Variants in HDLBP observed in about 807,000 individuals in gnomAD.
HDLBP encodes high density lipoprotein binding protein.
HDLBP carries 30 observed loss-of-function variants against 137.3 expected under a neutral mutation model. The ratio of observed to expected loss-of-function variants is 0.22; its 90% CI spans 0.16 to 0.30. The LOEUF (loss-of-function observed/expected upper bound fraction) is 0.30. Ranked by LOEUF, HDLBP falls within the 10% of genes least tolerant of loss-of-function variation. The probability of loss-of-function intolerance (pLI) is 1.00; values close to 1 mark genes in which losing one functional copy is unlikely to be tolerated. For synonymous variants in HDLBP, 606 were observed against 596.0 expected (o/e 1.02, Z -0.24); for missense variants, 1,119 against 1,667.3 (o/e 0.67, Z 5.73).
At chr2:241,288,780 C>G (rs998985139) in intron 1 of HDLBP, among the ~76,000 whole-genome samples, 1 of 152,168 alleles carries the variant, frequency 6.6e-6, no homozygotes, top group Non-Finnish European at 1.5e-5. Flanking sequence ...CAGGCCCCCA[C>G]CCCAACTGTA....
intron 5 of HDLBP, among the ~76,000 whole-genome samples, chr2:241,258,647 C>G (rs1467817590): frequency 6.6e-6 from 1 of 152,150 alleles, no homozygotes; most frequent in Non-Finnish European, 1.5e-5. Flanking sequence ...TGTAAGAACA[C>G]ATTTACAAGC....
chr2:241,229,427 C>T lies in HDLBP; in HGVS notation c.*174G>A. Reference sequence around the variant, plus strand: ...CAGGTCCTGAGCGGGCACGGCCAGGCCTGGAGGAGCGGCCGCACACACAGC... The same window carrying T: ...CAGGTCCTGAGCGGGCACGGCCAGGTCTGGAGGAGCGGCCGCACACACAGC... On this transcript the variant is annotated 3_prime_UTR_variant, in exon 28 of 28. Transcript: ENST00000310931. 1 of 570,932 alleles carries T rather than the reference C, an allele frequency of 1.8e-6. No homozygotes were observed. The allele number at this position is 570,932 out of a possible 1,614,324, so 35.4% of individuals were successfully genotyped here. A position where few individuals can be genotyped will look rare whatever the true frequency, so the allele number is the denominator to read the frequency against.
chr2:241,246,971 A>T (rs2071729821), intron 15 of HDLBP, 85 bp downstream of exon 15: 3 of 1,567,454 alleles, frequency 1.9e-6, no homozygotes, highest in Non-Finnish European at 2.6e-6. Context: ...AGTAAGGAAG[A>T]GTCCCTCCTA....
At chr2:241,281,476 G>A (rs1457872239) in intron 1 of HDLBP, among the ~76,000 whole-genome samples, 2 of 152,180 alleles carry the variant, frequency 1.3e-5, no homozygotes, top group African/African-American at 4.8e-5. Context: ...AGTTGAGATC[G>A]TGACACTGCA....
chr2:241,234,057 T>C (rs2070108691), intron 23 of HDLBP, 94 bp from the exon 24 acceptor site: 2 of 1,389,982 alleles, frequency 1.4e-6, no homozygotes, highest in African/African-American at 1.4e-5. Context: ...ACACTGGAGA[T>C]GCTGCAGTGT....
In HDLBP at chr2:241,298,694, C is replaced by T. The variant is rs531094103; in HGVS notation, c.-103+16876G>A. On this transcript the variant is annotated intron_variant, in intron 1 of 27. Coordinates refer to ENST00000310931, the MANE Select transcript of HDLBP (RefSeq NM_005336.6). Reference sequence around the variant, plus strand: ...TGAATCAAGCAAGTAAAGTGCACATCACCACTAAGGGGACTAACTGAATTC... The same window carrying T: ...TGAATCAAGCAAGTAAAGTGCACATTACCACTAAGGGGACTAACTGAATTC... Among the ~76,000 whole-genome samples, 23 of 152,304 alleles carry T rather than the reference C, an allele frequency of 1.5e-4. No individual in the cohort carries two copies. The South Asian group carries it at 3.7e-3, about 25-fold the overall frequency.
At chr2:241,296,311 T>C (rs886802613) in intron 1 of HDLBP, among the ~76,000 whole-genome samples, 5 of 152,134 alleles carry the variant, frequency 3.3e-5, no homozygotes, top group African/African-American at 4.8e-5. Flanking sequence ...TGAAAACATA[T>C]AAAGTTTGAT....
At chr2:241,262,217 A>C (rs1338741041) in intron 5 of HDLBP, among the ~76,000 whole-genome samples, 1 of 152,238 alleles carries the variant, frequency 6.6e-6, no homozygotes, top group Non-Finnish European at 1.5e-5. Flanking sequence ...CTAGCAAAGC[A>C]ATGGGAACCA....
intron 1 of HDLBP, among the ~76,000 whole-genome samples, chr2:241,305,798 C>T (rs1311230122): frequency 2.7e-5 from 4 of 146,142 alleles, no homozygotes; most frequent in East Asian, 2.0e-4. Flanking sequence ...CTCGCTCTGT[C>T]GCCCAGGCTG....
intron 1 of HDLBP, among the ~76,000 whole-genome samples, chr2:241,306,406 T>TTAC (rs1315366554): frequency 6.6e-6 from 1 of 151,904 alleles, no homozygotes; most frequent in Non-Finnish European, 1.5e-5. Context: ...ATTACAGGCA[T>TTAC]GAGCCACCAC....
chr2:241,264,738 C>G, intron 3 of HDLBP, 133 bp from the exon 4 acceptor site: 4 of 829,018 alleles, frequency 4.8e-6, no homozygotes, highest in Non-Finnish European at 7.5e-6. Context: ...CCCCCCACCC[C>G]TCTCTTCTAA....
intron 1 of HDLBP, among the ~76,000 whole-genome samples, chr2:241,313,902 C>T (rs1313018705): frequency 6.6e-6 from 1 of 152,134 alleles, no homozygotes; most frequent in Non-Finnish European, 1.5e-5. Context: ...GCACTTTTAC[C>T]CGAATGACGT....
intron 3 of HDLBP, chr2:241,266,476 C>A (rs1036007121): frequency 6.2e-6 from 2 of 323,490 alleles, no homozygotes; most frequent in Non-Finnish European, 1.2e-5. Context: ...TGCTTCAGAG[C>A]CCAGATTTTA....
chr2:241,271,037 G>C, intron 1 of HDLBP: 1 of 985,318 alleles, frequency 1.0e-6, no homozygotes, highest in Non-Finnish European at 1.2e-6. Context: ...GGCTGTAAAC[G>C]CTCCACCTCA....
intron 1 of HDLBP, among the ~76,000 whole-genome samples, chr2:241,274,171 G>A (rs2074304261): frequency 6.6e-6 from 1 of 152,156 alleles, no homozygotes; most frequent in Non-Finnish European, 1.5e-5. Context: ...CTGGGCAGGT[G>A]GGGAAGTGGA....
At position 241,228,377 on chromosome 2, in the gene HDLBP, C is replaced by T. The variant is rs2069334407; in HGVS notation, c.*1224G>A. 6.6e-6 allele frequency: 1 copy of T among 152,416 alleles called. No homozygotes were observed. The highest frequency in any genetic ancestry group is 2.4e-5 in the African/African-American group (1 of 41,482). The allele number at this position is 152,416 out of a possible 1,614,324, so 9.4% of individuals were successfully genotyped here. A position where few individuals can be genotyped will look rare whatever the true frequency, so the allele number is the denominator to read the frequency against. ...CGGCGTGGTCTGCATTCTGCTCTACCTCATGCTCTAGGCCCCATGCCATCG... is the reference window on the plus strand; with the variant it reads ...CGGCGTGGTCTGCATTCTGCTCTACTTCATGCTCTAGGCCCCATGCCATCG... On this transcript the variant is annotated 3_prime_UTR_variant, in exon 28 of 28. Coordinates refer to ENST00000310931, the MANE Select transcript of HDLBP (RefSeq NM_005336.6).
intron 1 of HDLBP, among the ~76,000 whole-genome samples, chr2:241,311,748 C>T (rs1033253119): frequency 1.3e-5 from 2 of 152,148 alleles, no homozygotes; most frequent in Admixed American, 6.5e-5. Context: ...TGAAAACAAT[C>T]CTATTATACC....
intron 16 of HDLBP, among the ~76,000 whole-genome samples, chr2:241,244,487 G>C (rs1023403628): frequency 9.9e-5 from 15 of 152,148 alleles, no homozygotes; most frequent in African/African-American, 3.4e-4. Flanking sequence ...AAAGCCAGGG[G>C]CACCATCAGC....
At chr2:241,249,784 G>C (rs939360518) in intron 12 of HDLBP, 57 bp downstream of exon 12, 3 of 1,512,584 alleles carry the variant, frequency 2.0e-6, no homozygotes, top group South Asian at 2.6e-5. Context: ...ACTCCTTAGA[G>C]GGGGCCAAGA....
Sources: gnomAD v4.1 joint callset for allele counts (sites outside exome capture counted in the v4.1 genomes callset) on GRCh38, gnomAD v4.1.1 for gene constraint, MANE v1.5 for transcripts, NCBI Gene and HGNC (gene_info 2026-07-23, HGNC 2026-07-21) for gene names.